Variants in LRP1B observed in about 807,000 individuals in gnomAD.
LRP1B encodes LDL receptor related protein 1B.
Under a neutral mutation model 556.6 loss-of-function variants are expected in LRP1B, and 217 were observed. The ratio of observed to expected loss-of-function variants is 0.39; its 90% CI spans 0.35 to 0.44. The LOEUF is 0.44. Among genes scored for constraint, LRP1B ranks in the 20% least tolerant of loss-of-function variants. The pLI is 1.00. For missense variants in LRP1B, 5,053 were observed against 5,620.8 expected (o/e 0.90, Z 3.23); for synonymous variants, 2,047 against 1,865.8 (o/e 1.10, Z -2.50).
At chr2:140,696,654 T>C (rs1230797041) in intron 41 of LRP1B, among the ~76,000 whole-genome samples, 1 of 152,122 alleles carries the variant, frequency 6.6e-6, no homozygotes, top group East Asian at 1.9e-4. Context: ...AGCATTATCA[T>C]GTGAGCTCCA....
At chr2:142,123,870 G>T (rs1193969618) in intron 1 of LRP1B, among the ~76,000 whole-genome samples, 3 of 151,744 alleles carry the variant, frequency 2.0e-5, no homozygotes, top group Non-Finnish European at 4.4e-5. Flanking sequence ...TGGTACAAAT[G>T]TATTAATCAA....
intron 2 of LRP1B, among the ~76,000 whole-genome samples, chr2:141,803,801 A>G (rs1029659176): frequency 1.5e-4 from 23 of 152,178 alleles, no homozygotes; most frequent in Admixed American, 1.3e-3. Context: ...GACCTATGTC[A>G]AAGATAGAAA....
chr2:141,747,291 G>T (rs1463600845), intron 2 of LRP1B, among the ~76,000 whole-genome samples: 2 of 152,112 alleles, frequency 1.3e-5, no homozygotes, highest in Non-Finnish European at 2.9e-5. Context: ...GTTAAAACCG[G>T]TCTAAAAGCC....
At chr2:140,806,108 A>T (rs1199639241) in intron 32 of LRP1B, among the ~76,000 whole-genome samples, 1 of 152,088 alleles carries the variant, frequency 6.6e-6, no homozygotes, top group Non-Finnish European at 1.5e-5. Flanking sequence ...ATGAGAAGAT[A>T]TAAAAAGTAA....
intron 6 of LRP1B, among the ~76,000 whole-genome samples, chr2:141,222,328 A>T (rs1683079711): frequency 6.6e-6 from 1 of 152,198 alleles, no homozygotes; most frequent in African/African-American, 2.4e-5. Flanking sequence ...CCCACCCAAG[A>T]CTGAACCAGA....
At chr2:140,730,808 C>T (rs527876261) in intron 35 of LRP1B, among the ~76,000 whole-genome samples, 3 of 152,268 alleles carry the variant, frequency 2.0e-5, no homozygotes, top group South Asian at 2.1e-4. Flanking sequence ...CCGCCTGCCT[C>T]GGCCTCCCAA....
Position 141,656,048 on chromosome 2 carries a change from C to A in LRP1B, c.205+154231G>T, listed in dbSNP as rs139776111. ...TTATGAGATAGGTATAATTATTATACCCATTTTGTTAATGGAGAAACTGAG... is the reference window on the plus strand; with the variant it reads ...TTATGAGATAGGTATAATTATTATAACCATTTTGTTAATGGAGAAACTGAG... On this transcript the variant is annotated intron_variant, in intron 2 of 90. Coordinates refer to ENST00000389484, the MANE Select transcript of LRP1B (RefSeq NM_018557.3). 6.3e-3 allele frequency among the ~76,000 whole-genome samples: 956 copies of A among 152,114 alleles called. 12 individuals carry two copies. Among genetic ancestry groups the A allele is most frequent in the African/African-American group, 0.021 (884 of 41,516 alleles).
chr2:141,737,744 C>T (rs1239865843), intron 2 of LRP1B, among the ~76,000 whole-genome samples: 1 of 152,152 alleles, frequency 6.6e-6, no homozygotes, highest in East Asian at 1.9e-4. Context: ...TAGAGCTCTT[C>T]TGGCTGATGC....
At chr2:141,237,276 A>G (rs1017961467) in intron 5 of LRP1B, among the ~76,000 whole-genome samples, 1 of 151,834 alleles carries the variant, frequency 6.6e-6, no homozygotes, top group Non-Finnish European at 1.5e-5. Context: ...TTTAGAGAAG[A>G]TGATGATTTC....
chr2:142,106,056 T>C (rs978183725), intron 1 of LRP1B, among the ~76,000 whole-genome samples: 17 of 152,158 alleles, frequency 1.1e-4, no homozygotes, highest in African/African-American at 3.9e-4. Context: ...GCCCTATGTC[T>C]ACCACACTTG....
At chr2:141,776,172 G>A (rs1305651646) in intron 2 of LRP1B, among the ~76,000 whole-genome samples, 2 of 152,008 alleles carry the variant, frequency 1.3e-5, no homozygotes, top group Non-Finnish European at 2.9e-5. Flanking sequence ...TGCCTCATTT[G>A]CTATCTAAGG....
chr2:142,054,051 A>C (rs143050330), intron 1 of LRP1B, among the ~76,000 whole-genome samples: 1 of 152,156 alleles, frequency 6.6e-6, no homozygotes, highest in Non-Finnish European at 1.5e-5. Flanking sequence ...TCGTTGGAGC[A>C]CTAGGTACTC....
intron 2 of LRP1B, among the ~76,000 whole-genome samples, chr2:141,596,835 A>G (rs1687542275): frequency 6.6e-6 from 1 of 152,074 alleles, no homozygotes. Context: ...TATGCCATTA[A>G]GAAATAAACA....
chr2:140,468,513 G>A (rs1032928771), intron 60 of LRP1B, among the ~76,000 whole-genome samples: 4 of 152,048 alleles, frequency 2.6e-5, no homozygotes, highest in Non-Finnish European at 4.4e-5. Flanking sequence ...GGAGTCACCC[G>A]GAAACTTCAG....
intron 2 of LRP1B, among the ~76,000 whole-genome samples, chr2:141,791,927 T>C (rs775377904): frequency 1.3e-5 from 2 of 152,022 alleles, no homozygotes; most frequent in Non-Finnish European, 2.9e-5. Context: ...AGTGCTTTCC[T>C]AGAGAGTACA....
intron 1 of LRP1B, among the ~76,000 whole-genome samples, chr2:141,969,630 T>C (rs1468172299): frequency 1.3e-5 from 2 of 151,708 alleles, no homozygotes; most frequent in African/African-American, 2.4e-5. Flanking sequence ...TTCTACACCA[T>C]ACTTTATCCA....
At chr2:140,908,385 TATATATAA>T (rs1475933797) in intron 21 of LRP1B, among the ~76,000 whole-genome samples, 7 of 133,778 alleles carry the variant, frequency 5.2e-5, no homozygotes, top group South Asian at 2.2e-4. Flanking sequence ...TATATATATA[TATATATAA>T]AAAGAAGGTT....
At chr2:142,033,435 C>T (rs188296123) in intron 1 of LRP1B, among the ~76,000 whole-genome samples, 5 of 151,554 alleles carry the variant, frequency 3.3e-5, no homozygotes, top group African/African-American at 9.7e-5. Context: ...TACTTACATG[C>T]CTATACCTTT....
chr2:141,073,746 T>C (rs1699707682), intron 7 of LRP1B, among the ~76,000 whole-genome samples: 1 of 152,144 alleles, frequency 6.6e-6, no homozygotes, highest in Non-Finnish European at 1.5e-5. Flanking sequence ...CAATGGTTTA[T>C]TCCAGAAACG....
Sources: gnomAD v4.1 joint callset for allele counts (sites outside exome capture counted in the v4.1 genomes callset) on GRCh38, gnomAD v4.1.1 for gene constraint, MANE v1.5 for transcripts, NCBI Gene and HGNC (gene_info 2026-07-23, HGNC 2026-07-21) for gene names.